STEAP1B: variants seen among roughly 807,000 people sequenced by gnomAD.
STEAP1B encodes the protein STEAP family member 1B.
Under a neutral mutation model 27.9 loss-of-function variants are expected in STEAP1B, and 13 were observed. That is an observed-to-expected ratio of 0.47 (90% confidence interval 0.30 to 0.74). The LOEUF is 0.74. Ranked by LOEUF, STEAP1B falls within the 30% of genes least tolerant of loss-of-function variation. The pLI is 0.06. For missense variants in STEAP1B, 250 were observed against 298.7 expected (o/e 0.84, Z 1.20); for synonymous variants, 86 against 107.1 (o/e 0.80, Z 1.22).
intron 4 of STEAP1B, among the ~76,000 whole-genome samples, chr7:22,439,284 T>C (rs534561198): frequency 1.9e-4 from 29 of 152,240 alleles, no homozygotes; most frequent in Non-Finnish European, 2.8e-4. Context: ...ATTTTGACTA[T>C]TCTTATTCCA....
At chr7:22,486,577 T>G (rs1367520081) in intron 4 of STEAP1B, among the ~76,000 whole-genome samples, 2 of 152,012 alleles carry the variant, frequency 1.3e-5, no homozygotes, top group African/African-American at 2.4e-5. Flanking sequence ...GCTTGATTCT[T>G]CCCTCCTGAA....
In STEAP1B at chr7:22,448,387, T is replaced by A. The variant is rs147288534; in HGVS notation, c.763-28551A>T. 7.0e-3 allele frequency among the ~76,000 whole-genome samples: 1,062 copies of A among 152,328 alleles called. 12 individuals carry two copies. Among genetic ancestry groups the A allele is most frequent in the African/African-American group, 0.023 (974 of 41,568 alleles). ...AAATTTTAAAATACATGAATGATCTTTTAATAGAACTTTTTTCCTTGAACT... is the reference window on the plus strand; with the variant it reads ...AAATTTTAAAATACATGAATGATCTATTAATAGAACTTTTTTCCTTGAACT... On this transcript the variant is annotated intron_variant, in intron 4 of 4. Coordinates refer to ENST00000678116, the MANE Select transcript of STEAP1B (RefSeq NM_001382447.1).
chr7:22,433,040 A>G (rs915396503), intron 4 of STEAP1B, among the ~76,000 whole-genome samples: 3 of 152,214 alleles, frequency 2.0e-5, no homozygotes, highest in South Asian at 2.1e-4. Context: ...AGGACATTTC[A>G]GTAATCAACT....
intron 4 of STEAP1B, among the ~76,000 whole-genome samples, chr7:22,441,729 G>A (rs1286586536): frequency 1.3e-5 from 2 of 152,178 alleles, no homozygotes; most frequent in Non-Finnish European, 2.9e-5. Context: ...TAGTGGTTAT[G>A]CTTCTACAAT....
chr7:22,460,226 G>C (rs3094977), intron 4 of STEAP1B, among the ~76,000 whole-genome samples: 60,018 of 151,232 alleles, frequency 0.4, 11,977 homozygotes, highest in South Asian at 0.48. Flanking sequence ...TTGGGGGAGG[G>C]CTGAGATGGG....
At chr7:22,432,618 G>A (rs967261207) in intron 4 of STEAP1B, among the ~76,000 whole-genome samples, 2 of 151,982 alleles carry the variant, frequency 1.3e-5, no homozygotes, top group Non-Finnish European at 2.9e-5. Flanking sequence ...CCCAGTTTAT[G>A]GTATTTTGTG....
At position 22,487,026 on chromosome 7, in the gene STEAP1B, T is replaced by G. The variant is rs184787700; in HGVS notation, c.762+5539A>C. Reference sequence around the variant, plus strand: ...ATCCTAACAAGTATTGCTTTGTCTTTTCACATAGATAGAGGAAGGAAGGAA... The same window carrying G: ...ATCCTAACAAGTATTGCTTTGTCTTGTCACATAGATAGAGGAAGGAAGGAA... On this transcript the variant is annotated intron_variant, in intron 4 of 4. Transcript: ENST00000678116. Among the ~76,000 whole-genome samples, 562 of 152,336 alleles carry G rather than the reference T, an allele frequency of 3.7e-3. 5 individuals are homozygous for G. Among genetic ancestry groups the G allele is most frequent in the African/African-American group, 0.013 (528 of 41,578 alleles).
At chr7:22,437,153 A>C (rs568506071) in intron 4 of STEAP1B, among the ~76,000 whole-genome samples, 2 of 152,212 alleles carry the variant, frequency 1.3e-5, no homozygotes, top group Non-Finnish European at 2.9e-5. Context: ...TTCACAAGCT[A>C]ATTTTAAAGT....
At chr7:22,476,829 G>C (rs1396552986) in intron 4 of STEAP1B, among the ~76,000 whole-genome samples, 1 of 152,140 alleles carries the variant, frequency 6.6e-6, no homozygotes, top group Non-Finnish European at 1.5e-5. Context: ...GCTGTACTGG[G>C]TTCTCATCTG....
At chr7:22,443,677 G>A (rs539991260) in intron 4 of STEAP1B, among the ~76,000 whole-genome samples, 4 of 152,304 alleles carry the variant, frequency 2.6e-5, no homozygotes, top group South Asian at 2.1e-4. Context: ...AGGAGTCATC[G>A]GAGAAAGGAA....
chr7:22,424,263 GC>G (rs1026487622), intron 4 of STEAP1B, among the ~76,000 whole-genome samples: 15 of 151,938 alleles, frequency 9.9e-5, no homozygotes, highest in Admixed American at 8.5e-4. Context: ...CATACGTAAG[GC>G]AAAAAGTTAA....
intron 4 of STEAP1B, among the ~76,000 whole-genome samples, chr7:22,473,929 C>T (rs141054421): frequency 6.7e-4 from 102 of 152,184 alleles, no homozygotes; most frequent in African/African-American, 2.1e-3. Context: ...TGCCCATCCC[C>T]GAGGCTGTAT....
At chr7:22,454,865 ATTTT>A (rs367804282) in intron 4 of STEAP1B, among the ~76,000 whole-genome samples, 35 of 126,148 alleles carry the variant, frequency 2.8e-4, no homozygotes, top group Middle Eastern at 3.8e-3. Context: ...ATATATATAT[ATTTT>A]TTTTTTTTTT....
chr7:22,437,990 C>T (rs28697041), intron 4 of STEAP1B, among the ~76,000 whole-genome samples: 11,418 of 152,222 alleles, frequency 0.075, 583 homozygotes, highest in East Asian at 0.19. Flanking sequence ...CACACTCTAA[C>T]ATACATTGGA....
At chr7:22,473,984 T>C (rs554531645) in intron 4 of STEAP1B, among the ~76,000 whole-genome samples, 1 of 152,326 alleles carries the variant, frequency 6.6e-6, no homozygotes, top group South Asian at 2.1e-4. Flanking sequence ...TATTAACCTA[T>C]TGGTCACCAA....
chr7:22,464,443 C>G (rs1228933826), intron 4 of STEAP1B, among the ~76,000 whole-genome samples: 2 of 152,186 alleles, frequency 1.3e-5, no homozygotes, highest in African/African-American at 4.8e-5. Context: ...AGTCTAGACA[C>G]TGAGCTAGGG....
intron 4 of STEAP1B, among the ~76,000 whole-genome samples, chr7:22,436,799 AG>A (rs1427656462): frequency 6.6e-6 from 1 of 152,168 alleles, no homozygotes; most frequent in East Asian, 1.9e-4. Flanking sequence ...TATCACTGAC[AG>A]GCATTTAGGT....
intron 1 of STEAP1B, among the ~76,000 whole-genome samples, chr7:22,498,524 C>T (rs551717668): frequency 1.3e-5 from 2 of 152,294 alleles, no homozygotes; most frequent in African/African-American, 4.8e-5. Flanking sequence ...AATCCACCCA[C>T]ATTTATTCAG....
At chr7:22,468,351 A>G (rs1785821825) in intron 4 of STEAP1B, among the ~76,000 whole-genome samples, 1 of 152,158 alleles carries the variant, frequency 6.6e-6, no homozygotes, top group African/African-American at 2.4e-5. Context: ...TAGGAAACTG[A>G]GGAAAGGAGG....
Sources: allele counts gnomAD v4.1 joint callset (sites outside exome capture counted in the v4.1 genomes callset), GRCh38; gene constraint gnomAD v4.1.1; transcripts MANE v1.5; gene names NCBI Gene and HGNC (gene_info 2026-07-23, HGNC 2026-07-21).